STING1: variants seen among roughly 807,000 people sequenced by gnomAD.
STING1 encodes stimulator of interferon genes protein.
A neutral mutation model predicts 31.6 loss-of-function variants in STING1; 19 were observed. That is an observed-to-expected ratio of 0.60 (90% CI 0.42 to 0.88). The LOEUF is 0.88. Ranked by LOEUF, STING1 falls within the 40% of genes least tolerant of loss-of-function variation. The pLI is 0.00. For synonymous variants in STING1, 200 were observed against 208.6 expected, an observed-to-expected ratio of 0.96 and a Z score of 0.35; for missense variants, 371 against 483.7, an observed-to-expected ratio of 0.77 and a Z score of 2.19.
chr5:139,479,219 G>C (rs1751756233), intron 5 of STING1: 1 of 149,974 alleles, frequency 6.7e-6, no homozygotes, highest in Non-Finnish European at 1.5e-5. Context: ...GTAACAGAAA[G>C]AGACTTCATC....
chr5:139,481,287 G>A lies in STING1; in HGVS notation c.283C>T (p.Arg95Cys), dbSNP rs373903765. Residue 95 changes from arginine (R) to cysteine (C), a missense_variant, in exon 4 of 8, where the codon CGT becomes TGT. Coordinates refer to ENST00000330794, the MANE Select transcript of STING1 (RefSeq NM_198282.4). This position sits in a 1 kb window ranked among gnomAD's most constrained non-coding sequence, Gnocchi z 4.1. Reference sequence around the variant, plus strand: ...ATGGACAGCAGCAACAGGGCCCCACGGCGGAGGGGGCAGCCCAGGCAGGCC... The same window carrying A: ...ATGGACAGCAGCAACAGGGCCCCACAGCGGAGGGGGCAGCCCAGGCAGGCC... ...VRACLGCPLR[R>C]GALLLLSIYF... The A allele has an allele frequency of 2.5e-6, 4 of 1,612,652 alleles. No individual in the cohort carries two copies. The highest frequency in any genetic ancestry group is 1.1e-5 in the South Asian group (1 of 90,844).
chr5:139,476,304 C>T lies in STING1; in HGVS notation c.1097G>A (p.Ser366Asn). 6.2e-7 allele frequency: 1 copy of T among 1,609,062 alleles called. No individual in the cohort carries two copies. Among genetic ancestry groups the T allele is most frequent in the South Asian group, 1.1e-5 (1 of 90,170 alleles). ...GAGAGGGAGGGGCTTTTCCATTCCA[C>T]TGATGAGGAGCTCAGGCTCTTGGGA... Reference protein sequence around the residue: ...TMSQEPELLISGMEKPLPLRT... With the variant: ...TMSQEPELLINGMEKPLPLRT... Residue 366 changes from serine to asparagine, a missense_variant, in exon 8 of 8, where the codon AGT becomes AAT. Transcript: ENST00000330794.
At position 139,480,755 on chromosome 5, in the gene STING1, T is replaced by C. The variant is rs750471897; in HGVS notation, c.520+35A>G. 11 of 1,360,590 alleles carry C rather than the reference T, an allele frequency of 8.1e-6. No individual in the cohort carries two copies. The East Asian group carries it at 1.4e-4, about 17-fold the overall frequency. The allele number at this position is 1,360,590 out of a possible 1,614,324, so 84.3% of individuals were successfully genotyped here. ...GCTGTGTGTCTTAGTGTCTGTTTTGTAGATCGAGAAATGGGGGCAGAGAGG... is the reference window on the plus strand; with the variant it reads ...GCTGTGTGTCTTAGTGTCTGTTTTGCAGATCGAGAAATGGGGGCAGAGAGG... On this transcript the variant is annotated intron_variant, in intron 5 of 7. Transcript: ENST00000330794.
At chr5:139,480,728 AG>A in intron 5 of STING1, 61 bp downstream of exon 5, 2 of 1,013,126 alleles carry the variant, frequency 2.0e-6, no homozygotes, top group Non-Finnish European at 3.1e-6. Flanking sequence ...GAAACACAAG[AG>A]GCTGTGTGTC....
At chr5:139,476,645 G>A (rs902997590) in intron 7 of STING1, among the ~76,000 whole-genome samples, 191 bp from the exon 8 acceptor site, 3 of 152,010 alleles carry the variant, frequency 2.0e-5, no homozygotes, top group Admixed American at 2.0e-4. Context: ...AGTGGCTCAC[G>A]CCTGTAATCC....
Position 139,476,175 on chromosome 5 carries a change from C to G in STING1, c.*86G>C, listed in dbSNP as rs541868964. 4.6e-6 allele frequency: 5 copies of G among 1,097,792 alleles called. No individual in the cohort carries two copies. The East Asian group carries it at 1.3e-4, about 28-fold the overall frequency. The allele number at this position is 1,097,792 out of a possible 1,614,324, so 68.0% of individuals were successfully genotyped here. On this transcript the variant is annotated 3_prime_UTR_variant, in exon 8 of 8. Transcript: ENST00000330794. ...CAAGGCCCCCTGTGGAAGGAAATAG[C>G]TCTGCTGGACATTCAGCCACTGAAG... is the stretch of plus-strand genomic sequence containing the variant.
In STING1 at chr5:139,477,728, G is replaced by A. The variant is rs187834266; in HGVS notation, c.760-213C>T. ...TACCCAACTCTGAAATCAGGGACAC[G>A]GCTGGGCTAAATTTACCCTTCACAG... On this transcript the variant is annotated intron_variant, in intron 6 of 7. Coordinates refer to ENST00000330794, the MANE Select transcript of STING1 (RefSeq NM_198282.4). Among the ~76,000 whole-genome samples, 70 of 152,242 alleles carry A rather than the reference G, an allele frequency of 4.6e-4. No individual in the cohort carries two copies. The East Asian group carries it at 8.3e-3, about 18-fold the overall frequency.
Position 139,476,174 on chromosome 5 carries a change from G to T in STING1, c.*87C>A. 1 of 1,081,728 alleles carries T rather than the reference G, an allele frequency of 9.2e-7. No individual in the cohort carries two copies. The highest frequency in any genetic ancestry group is 1.3e-6 in the Non-Finnish European group (1 of 753,334). 67.0% of individuals were successfully genotyped at this position (1,081,728 alleles called of 1,614,324 possible). On this transcript the variant is annotated 3_prime_UTR_variant, in exon 8 of 8. Transcript: ENST00000330794. ...GCAAGGCCCCCTGTGGAAGGAAATAGCTCTGCTGGACATTCAGCCACTGAA... is the reference window on the plus strand; with the variant it reads ...GCAAGGCCCCCTGTGGAAGGAAATATCTCTGCTGGACATTCAGCCACTGAA...
chr5:139,478,097 G>T (rs572037972), intron 6 of STING1, among the ~76,000 whole-genome samples, 173 bp downstream of exon 6: 1 of 152,176 alleles, frequency 6.6e-6, no homozygotes, highest in Non-Finnish European at 1.5e-5. Flanking sequence ...GTAAGTGCTC[G>T]ATAAATGTTA....
In STING1 at chr5:139,478,396, G is replaced by A. The variant is rs1751727966; in HGVS notation, c.633C>T (p.Asn211=). Residue 211 remains asparagine (N), a synonymous_variant, in exon 6 of 8, where the codon AAC becomes AAT. Coordinates refer to ENST00000330794, the MANE Select transcript of STING1 (RefSeq NM_198282.4). ...GAATGTTGGGGTCAGCCATACTCAGGTTATCAGGCACCCCACAGTCCAATG... is the reference window on the plus strand; with the variant it reads ...GAATGTTGGGGTCAGCCATACTCAGATTATCAGGCACCCCACAGTCCAATG... ...LLPLDCGVPD[N]LSMADPNIRF... 1 of 1,614,180 alleles carries A rather than the reference G, an allele frequency of 6.2e-7. No individual in the cohort carries two copies. The highest frequency in any genetic ancestry group is 1.6e-4 in the Middle Eastern group (1 of 6,062).
chr5:139,476,347 G>A lies in STING1; in HGVS notation c.1054C>T (p.Pro352Ser), dbSNP rs977753165. 3 of 1,612,486 alleles carry A rather than the reference G, an allele frequency of 1.9e-6. No homozygotes were observed. The highest frequency in any genetic ancestry group is 1.7e-5 in the Admixed American group (1 of 59,964). Residue 352 changes from proline to serine, a missense_variant, in exon 8 of 8, where the codon CCC (proline) becomes TCC (serine). Transcript: ENST00000330794. ...TCTTGGGACATCGTGGAGGTACTGG[G>A]CACCGCTGAGGTCTTCAAGCTGCCC... ...TVGSLKTSAV[P>S]STSTMSQEPE...
rs1751694034 is a variant in STING1 at position 139,477,373 on chromosome 5, T to C, written c.902A>G (p.Asp301Gly). ...FCRTLEDILA[D>G]APESQNNCRL... ...GCAGTTGTTCTGAGACTCAGGGGCA[T>C]CTGCCAGGATGTCCTCAAGTGTCCG... Residue 301 changes from aspartate (D) to glycine (G), a missense_variant, in exon 7 of 8, where the codon GAT (aspartate) becomes GGT (glycine). Physicochemically the swap from Asp to Gly is moderately conservative, Grantham distance 94. Coordinates refer to ENST00000330794, the MANE Select transcript of STING1 (RefSeq NM_198282.4). 6.2e-7 allele frequency: 1 copy of C among 1,614,082 alleles called. No homozygotes were observed. The highest frequency in any genetic ancestry group is 1.1e-5 in the South Asian group (1 of 91,092).
In STING1 at chr5:139,481,494, G is replaced by T. The variant is rs768649460; in HGVS notation, c.211C>A (p.Arg71Ser). ...GTGAGTCACCTGGAGTGGATGTGGC[G>T]CAGCTCCTCAGCCAGGCTGCAGACC... ...NGVCSLAEEL[R>S]HIHSRYRGSY... The change falls in exon 3 of 8, where the codon CGC becomes AGC. Residue 71 changes from arginine to serine, a missense_variant. Physicochemically the swap from Arg to Ser is moderately radical, Grantham distance 110. Transcript: ENST00000330794. This position sits in a 1 kb window ranked among gnomAD's most constrained non-coding sequence, Gnocchi z 4.1. 1.9e-6 allele frequency: 3 copies of T among 1,613,628 alleles called. No individual in the cohort carries two copies. Among genetic ancestry groups the T allele is most frequent in the Admixed American group, 1.7e-5 (1 of 59,992 alleles).
At chr5:139,479,170 A>G (rs1751754368) in intron 5 of STING1, 1 of 152,556 alleles carries the variant, frequency 6.6e-6, no homozygotes, top group Non-Finnish European at 1.5e-5. Flanking sequence ...CAGAGGTTGC[A>G]GTGAGCTGAG....
intron 5 of STING1, 125 bp from the exon 6 acceptor site, chr5:139,478,633 C>G: frequency 1.2e-6 from 1 of 833,454 alleles, no homozygotes; most frequent in Non-Finnish European, 2.0e-6. Context: ...CCAGTGCACT[C>G]TCATTGTACA....
In STING1 at chr5:139,481,901, T is replaced by A; in HGVS notation, c.1-197A>T. On this transcript the variant is annotated intron_variant, in intron 2 of 7. Coordinates refer to ENST00000330794, the MANE Select transcript of STING1 (RefSeq NM_198282.4). The surrounding 1 kb of genome is among the most constrained non-coding windows in gnomAD (Gnocchi z 4.1). ...AAGCTCCTGTCTCAGCGAGGTTTGC[T>A]GAAAACAGAGCAGGGCCTGCACATA... is the stretch of plus-strand genomic sequence containing the variant. The A allele has an allele frequency of 3.5e-6, 2 of 578,466 alleles. No individual in the cohort carries two copies. The highest frequency in any genetic ancestry group is 6.2e-6 in the Non-Finnish European group (2 of 324,966). 35.8% of individuals were successfully genotyped at this position (578,466 alleles called of 1,614,324 possible).
intron 5 of STING1, among the ~76,000 whole-genome samples, chr5:139,479,496 GTT>G (rs1561483457): frequency 1.3e-5 from 2 of 149,104 alleles, no homozygotes; most frequent in African/African-American, 2.5e-5. Flanking sequence ...GAGGTCAGGA[GTT>G]TGAGACTAGC....
chr5:139,476,395 C>T lies in STING1; in HGVS notation c.1006G>A (p.Glu336Lys), dbSNP rs1268179693. Reference protein sequence around the residue: ...SQEVLRHLRQEEKEEVTVGSL... With the variant: ...SQEVLRHLRQKEKEEVTVGSL... Reference sequence around the variant, plus strand: ...CCCACAGTAACCTCTTCCTTTTCCTCCTGCCGCAGGTGCCGGAGAACCTCC... The same window carrying T: ...CCCACAGTAACCTCTTCCTTTTCCTTCTGCCGCAGGTGCCGGAGAACCTCC... The change falls in exon 8 of 8, where the codon GAG (glutamate) becomes AAG (lysine). Residue 336 changes from glutamate to lysine, a missense_variant. Coordinates refer to ENST00000330794, the MANE Select transcript of STING1 (RefSeq NM_198282.4). 2.5e-6 allele frequency: 4 copies of T among 1,612,536 alleles called. No individual in the cohort carries two copies. Among genetic ancestry groups the T allele is most frequent in the Admixed American group, 3.3e-5 (2 of 60,004 alleles).
chr5:139,480,767 T>A (rs1751812612), intron 5 of STING1, 23 bp downstream of exon 5: 1 of 1,474,920 alleles, frequency 6.8e-7, no homozygotes, highest in Non-Finnish European at 9.5e-7. Flanking sequence ...GATCGAGAAA[T>A]GGGGGCAGAG....
Sources: gnomAD v4.1 joint callset for allele counts (sites outside exome capture counted in the v4.1 genomes callset) on GRCh38, gnomAD v4.1.1 for gene constraint, Gnocchi (gnomAD v3.1) non-coding constraint, MANE v1.5 for transcripts, NCBI Gene and HGNC (gene_info 2026-07-23, HGNC 2026-07-21) for gene names.